Variants in TUBGCP6 observed in about 807,000 individuals in gnomAD.
The protein encoded by TUBGCP6 is tubulin gamma complex component 6, also known as gamma-tubulin complex component 6.
Under a neutral mutation model 175.8 loss-of-function variants are expected in TUBGCP6, and 161 were observed. The ratio of observed to expected loss-of-function variants is 0.92; its 90% CI spans 0.81 to 1.04. The LOEUF (loss-of-function observed/expected upper bound fraction) is 1.04, where lower values mean the gene tolerates loss of function less well. TUBGCP6 is among the 50% of genes least tolerant of loss of function. TUBGCP6 has a pLI of 0.00. For synonymous variants in TUBGCP6, 1,173 were observed against 1,030.5 expected (o/e 1.14, Z -2.65); for missense variants, 2,572 against 2,433.0 (o/e 1.06, Z -1.20).
intron 2 of TUBGCP6, among the ~76,000 whole-genome samples, chr22:50,237,285 A>G (rs17836664): frequency 0.025 from 3,793 of 152,336 alleles, 107 homozygotes; most frequent in East Asian, 0.15. Context: ...AGAGTGGAGA[A>G]GGCTCAATTT....
Position 50,220,940 on chromosome 22 carries a change from G to C in TUBGCP6, c.3419C>G (p.Ala1140Gly). 1.2e-6 allele frequency: 2 copies of C among 1,606,578 alleles called. No individual in the cohort carries two copies. The highest frequency in any genetic ancestry group is 8.5e-7 in the Non-Finnish European group (1 of 1,175,572). Reference protein sequence around the residue: ...RWNTHGHVSNASIRVGENVSD... With the variant: ...RWNTHGHVSNGSIRVGENVSD... ...CACGTTCTCCCCAACCCTGATGCTG[G>C]CGTTGGACACGTGCCCGTGGGTATT... is the stretch of plus-strand genomic sequence containing the variant. The change falls in exon 16 of 25, where the codon GCC (alanine) becomes GGC (glycine). Residue 1140 changes from alanine to glycine, a missense_variant. Coordinates refer to ENST00000248846, the MANE Select transcript of TUBGCP6 (RefSeq NM_020461.4).
chr22:50,228,110 G>C (rs1194646365), intron 4 of TUBGCP6, 82 bp from the exon 5 acceptor site: 7 of 1,411,866 alleles, frequency 5.0e-6, no homozygotes, highest in East Asian at 2.7e-5. Flanking sequence ...CCAGTGCTGG[G>C]AACAGCGCTT....
rs1466573618 is a variant in TUBGCP6, at chr22:50,218,391, G to A, written c.4966C>T (p.His1656Tyr). Residue 1656 changes from histidine to tyrosine, a missense_variant, in exon 23 of 25, where the codon CAC becomes TAC. Transcript: ENST00000248846. ...FHLKRTALLS[H>Y]MAGSVQFRQL... The stretch of plus-strand genomic sequence containing the variant: ...CGGAACTGCACAGAGCCGGCCATGT[G>A]GCTCAGCAGGGCTGGCGGAGGGCAG... 4 of 1,612,908 alleles carry A rather than the reference G, an allele frequency of 2.5e-6. No individual in the cohort carries two copies. The highest frequency in any genetic ancestry group is 3.3e-5 in the Admixed American group (2 of 60,018).
rs35231253 is a variant in TUBGCP6 at position 50,218,105 on chromosome 22, C to A, written c.5181G>T (p.Thr1727=). The change falls in exon 24 of 25, where the codon ACG becomes ACT. Residue 1727 remains threonine, a synonymous_variant. Transcript: ENST00000248846. The part of the protein sequence containing the change: ...LHKAVFRGLL[T]EKAAPVMNVI... ...CGTTCATGACGGGCGCCGCCTTCTCCGTGAGCAGGCCCCTGGGGGGAAGCA... is the reference window on the plus strand; with the variant it reads ...CGTTCATGACGGGCGCCGCCTTCTCAGTGAGCAGGCCCCTGGGGGGAAGCA... 1 of 1,612,486 alleles carries A rather than the reference C, an allele frequency of 6.2e-7. No individual in the cohort carries two copies. Among genetic ancestry groups the A allele is most frequent in the Non-Finnish European group, 8.5e-7 (1 of 1,179,674 alleles).
At position 50,233,494 on chromosome 22, in the gene TUBGCP6, G is replaced by A. The variant is rs140034721; in HGVS notation, c.938C>T (p.Thr313Met). 3.3e-5 allele frequency: 53 copies of A among 1,609,534 alleles called. No individual in the cohort carries two copies. Among genetic ancestry groups the A allele is most frequent in the African/African-American group, 1.6e-4 (12 of 74,940 alleles). The change falls in exon 3 of 25, where the codon ACG (threonine) becomes ATG (methionine). Residue 313 changes from threonine to methionine, a missense_variant. By Grantham distance (81) the Thr-to-Met change is moderately conservative. Coordinates refer to ENST00000248846, the MANE Select transcript of TUBGCP6 (RefSeq NM_020461.4). Reference protein sequence around the residue: ...PPGHREEPYLTEAGRDAFDKF... With the variant: ...PPGHREEPYLMEAGRDAFDKF... ...GTCGAAAGCGTCCCTTCCCGCCTCCGTCAGGTAAGGCTCCTCTCTGTGGCC... is the reference window on the plus strand; with the variant it reads ...GTCGAAAGCGTCCCTTCCCGCCTCCATCAGGTAAGGCTCCTCTCTGTGGCC...
rs201406500 is a variant in TUBGCP6, at chr22:50,219,181, C to T, written c.4513G>A (p.Asp1505Asn). The change falls in exon 20 of 25, where the codon GAC becomes AAC. Residue 1505 changes from aspartate to asparagine, a missense_variant. Coordinates refer to ENST00000248846, the MANE Select transcript of TUBGCP6 (RefSeq NM_020461.4). ...AGGTGCAGCTCCACGAAGAAGTAGT[C>T]GACAGCGGCCTTGTTCACCAAGGAG... ...HISLVNKAAV[D>N]YFFVELHLEA... 2.3e-4 allele frequency: 375 copies of T among 1,611,848 alleles called. No individual in the cohort carries two copies. Among genetic ancestry groups the T allele is most frequent in the Non-Finnish European group, 2.3e-4 (272 of 1,180,004 alleles).
intron 2 of TUBGCP6, among the ~76,000 whole-genome samples, chr22:50,237,822 G>A (rs1156945961): frequency 6.6e-6 from 1 of 152,202 alleles, no homozygotes; most frequent in South Asian, 2.1e-4. Flanking sequence ...TAGAAAAGGG[G>A]GAGTTAATAA....
rs55647714 is a variant in TUBGCP6, at chr22:50,241,983, CAAAAAAA to C, written c.742-1623_742-1617del. On this transcript the variant is annotated intron_variant, in intron 1 of 24. Coordinates refer to ENST00000248846, the MANE Select transcript of TUBGCP6 (RefSeq NM_020461.4). ...CTGGTCCCTACACAAGACTCCATCTCAAAAAAAAAAAAAAAAAAAAAAAAAAGAACAA... is the reference window on the plus strand; with the variant it reads ...CTGGTCCCTACACAAGACTCCATCTCAAAAAAAAAAAAAAAAAAAGAACAA... Among the ~76,000 whole-genome samples the C allele has an allele frequency of 1.4e-3, 126 of 92,788 alleles. 1 individual carries two copies. The highest frequency in any genetic ancestry group is 7.2e-3 in the South Asian group (22 of 3,054). 60.9% of individuals were successfully genotyped at this position (92,788 alleles called of 152,430 possible). A position where few individuals can be genotyped will look rare whatever the true frequency, so the allele number is the denominator to read the frequency against.
rs181513987 is a variant in TUBGCP6 at position 50,224,877 on chromosome 22, C to A, written c.1984-285G>T. On this transcript the variant is annotated intron_variant, in intron 10 of 24. Transcript: ENST00000248846. ...AGGCTGCAGTGAGCCATGTTCGAGC[C>A]GCTGCACTCCAGCCTCCTGGCTGAC... Among the ~76,000 whole-genome samples the A allele has an allele frequency of 9.2e-5, 14 of 152,218 alleles. No individual in the cohort carries two copies. In the East Asian group the frequency reaches 2.7e-3, roughly 29 times the overall value.
intron 3 of TUBGCP6, 65 bp downstream of exon 3, chr22:50,233,251 G>A (rs772679592): frequency 1.6e-5 from 25 of 1,555,748 alleles, no homozygotes; most frequent in Non-Finnish European, 1.7e-5. Flanking sequence ...ATAAAGGGCT[G>A]GGCACTGCGT....
At position 50,244,568 on chromosome 22, in the gene TUBGCP6, A is replaced by T; in HGVS notation, c.-109T>A. 9.0e-6 allele frequency: 13 copies of T among 1,441,900 alleles called. No homozygotes were observed. Among genetic ancestry groups the T allele is most frequent in the Non-Finnish European group, 1.2e-5 (13 of 1,102,138 alleles). The allele number at this position is 1,441,900 out of a possible 1,614,324, so 89.3% of individuals were successfully genotyped here. ...AGAGGGTCCGAAGAGGCTGAATGACAGGCGGCCTCTCCAATGCCGAAGCTC... is the reference window on the plus strand; with the variant it reads ...AGAGGGTCCGAAGAGGCTGAATGACTGGCGGCCTCTCCAATGCCGAAGCTC... On this transcript the variant is annotated 5_prime_UTR_variant, in exon 1 of 25. Coordinates refer to ENST00000248846, the MANE Select transcript of TUBGCP6 (RefSeq NM_020461.4).
In TUBGCP6 at chr22:50,220,310, A is replaced by C; in HGVS notation, c.4049T>G (p.Val1350Gly). 1 of 1,576,224 alleles carries C rather than the reference A, an allele frequency of 6.3e-7. No individual in the cohort carries two copies. Among genetic ancestry groups the C allele is most frequent in the East Asian group, 2.3e-5 (1 of 44,340 alleles). The change falls in exon 16 of 25, where the codon GTG becomes GGG. Residue 1350 changes from valine (V) to glycine (G), a missense_variant. Val to Gly is a moderately radical substitution (Grantham distance 109). Transcript: ENST00000248846. ...SISVGENVSD[V>G]APTQPWWPNT... ...GGGCCACCATGGTTGGGTGGGAGCC[A>C]CGTCTGACACGTTCTCCCCCACGCT...
intron 2 of TUBGCP6, among the ~76,000 whole-genome samples, chr22:50,235,009 C>T (rs570409276): frequency 0.021 from 3,083 of 146,920 alleles, 59 homozygotes; most frequent in Admixed American, 0.041. Context: ...CCCCTATCCA[C>T]GGCAGCATCC....
Position 50,221,624 on chromosome 22 carries a change from G to A in TUBGCP6, c.2735C>T (p.Thr912Ile), listed in dbSNP as rs778548424. ...CACCTCCAGGAGAGGGACCATGCCAGTCTGCACGGACGGCTCAGCCCCTGG... is the reference window on the plus strand; with the variant it reads ...CACCTCCAGGAGAGGGACCATGCCAATCTGCACGGACGGCTCAGCCCCTGG... ...VGPGAEPSVQ[T>I]GMVPLLEVAL... The change falls in exon 16 of 25, where the codon ACT (threonine) becomes ATT (isoleucine). Residue 912 changes from threonine (T) to isoleucine (I), a missense_variant. Thr to Ile is a moderately conservative substitution (Grantham distance 89, BLOSUM62 -1). Transcript: ENST00000248846. 4 of 1,543,296 alleles carry A rather than the reference G, an allele frequency of 2.6e-6. No individual in the cohort carries two copies. In the African/African-American group the frequency reaches 5.5e-5, roughly 21 times the overall value.
intron 2 of TUBGCP6, among the ~76,000 whole-genome samples, chr22:50,234,831 C>A (rs978543207): frequency 3.5e-5 from 5 of 142,836 alleles, no homozygotes; most frequent in African/African-American, 1.4e-4. Flanking sequence ...CTGTCCACGA[C>A]AGCATCACCC....
intron 2 of TUBGCP6, among the ~76,000 whole-genome samples, chr22:50,236,276 C>T (rs2064777771): frequency 6.6e-6 from 1 of 152,090 alleles, no homozygotes; most frequent in Non-Finnish European, 1.5e-5. Context: ...GCTGGGACTA[C>T]AGGCACGGGC....
Position 50,243,717 on chromosome 22 carries a change from A to G in TUBGCP6, c.741+2T>C. 3 of 1,605,440 alleles carry G rather than the reference A, an allele frequency of 1.9e-6. No homozygotes were observed. Among genetic ancestry groups the G allele is most frequent in the Non-Finnish European group, 2.6e-6 (3 of 1,174,314 alleles). ...TGAAAGAGGAAAAACTAAACATTCTACCTTAATAGCCAGCCCAGAGAGGTC... is the reference window on the plus strand; with the variant it reads ...TGAAAGAGGAAAAACTAAACATTCTGCCTTAATAGCCAGCCCAGAGAGGTC... On this transcript the variant is annotated splice_donor_variant, in intron 1 of 24. Coordinates refer to ENST00000248846, the MANE Select transcript of TUBGCP6 (RefSeq NM_020461.4). LOFTEE classifies it high-confidence loss of function.
At position 50,219,328 on chromosome 22, in the gene TUBGCP6, C is replaced by G. The variant is rs754236056; in HGVS notation, c.4444G>C (p.Val1482Leu). The change falls in exon 19 of 25, where the codon GTG becomes CTG. Residue 1482 changes from valine to leucine, a missense_variant. Coordinates refer to ENST00000248846, the MANE Select transcript of TUBGCP6 (RefSeq NM_020461.4). The part of the protein sequence containing the change: ...VQLSELLTLP[V>L]LMKRSITAPL... ...GCCGTGATGGAGCGCTTCATGAGCA[C>G]GGGCAGCGTCAGCAACTCGCTCAGC... 1.9e-6 allele frequency: 3 copies of G among 1,600,264 alleles called. No homozygotes were observed. Among genetic ancestry groups the G allele is most frequent in the East Asian group, 2.3e-5 (1 of 44,330 alleles).
chr22:50,244,657 TCC>T lies in TUBGCP6; in HGVS notation c.-200_-199del. On this transcript the variant is annotated 5_prime_UTR_variant, in exon 1 of 25. Transcript: ENST00000248846. ...TACTCAGAGTAAACACGCCCTGCCCTCCCCAGTCCAAGCACGCTGCCCGGCGC... is the reference window on the plus strand; with the variant it reads ...TACTCAGAGTAAACACGCCCTGCCCTCCAGTCCAAGCACGCTGCCCGGCGC... 1.1e-6 allele frequency: 1 copy of T among 877,696 alleles called. No homozygotes were observed. Among genetic ancestry groups the T allele is most frequent in the Non-Finnish European group, 1.7e-6 (1 of 604,756 alleles). 54.4% of individuals were successfully genotyped at this position (877,696 alleles called of 1,614,324 possible).
Sources: allele counts gnomAD v4.1 joint callset (sites outside exome capture counted in the v4.1 genomes callset), GRCh38; gene constraint gnomAD v4.1.1; transcripts MANE v1.5; gene names NCBI Gene and HGNC (gene_info 2026-07-23, HGNC 2026-07-21).